IFI44L: variants seen among roughly 807,000 people sequenced by gnomAD.
IFI44L encodes the protein interferon induced protein 44 like, also known as interferon-induced protein 44-like.
In IFI44L, 40 loss-of-function variants were observed where a neutral mutation model predicts 39.3. That is an observed-to-expected ratio of 1.02 (90% CI 0.79 to 1.33). The LOEUF is 1.33. Among genes scored for constraint, IFI44L ranks in the 40% most tolerant of loss-of-function variants. The probability of loss-of-function intolerance (pLI) is 0.00; values close to 1 mark genes in which losing one functional copy is unlikely to be tolerated. For synonymous variants in IFI44L, 198 were observed against 182.3 expected (o/e 1.09, Z -0.69); for missense variants, 623 against 549.0 (o/e 1.13, Z -1.35).
chr1:78,637,779 A>G (rs544331168), intron 6 of IFI44L, among the ~76,000 whole-genome samples: 1 of 152,204 alleles, frequency 6.6e-6, no homozygotes, highest in Admixed American at 6.6e-5. Flanking sequence ...TCCATCCAAG[A>G]TGTATGTATG....
At chr1:78,630,313 C>A in intron 4 of IFI44L, 1 of 158,324 alleles carries the variant, frequency 6.3e-6, no homozygotes, top group Non-Finnish European at 1.4e-5. Context: ...ATTACGAGAC[C>A]ATTCTCTAAG....
At position 78,628,949 on chromosome 1, in the gene IFI44L, A is replaced by G; in HGVS notation, c.479-2A>G. On this transcript the variant is annotated splice_acceptor_variant, in intron 2 of 8. Transcript: ENST00000370751. LOFTEE classifies it high-confidence loss of function. ...GTATTATGCTATGTTTATTTCCTAT[A>G]GGAATTAAGGATAACCTAGACGACA... The G allele has an allele frequency of 3.2e-6, 5 of 1,544,066 alleles. No homozygotes were observed. The highest frequency in any genetic ancestry group is 4.5e-6 in the Non-Finnish European group (5 of 1,119,364).
chr1:78,632,787 A>C (rs942514616), intron 4 of IFI44L, among the ~76,000 whole-genome samples: 4 of 152,206 alleles, frequency 2.6e-5, no homozygotes, highest in Non-Finnish European at 5.9e-5. Flanking sequence ...ATGAGATTAC[A>C]GTTATATTCT....
In IFI44L at chr1:78,635,456, C is replaced by T. The variant is rs1652911964; in HGVS notation, c.843C>T (p.His281=). The T allele has an allele frequency of 1.2e-6, 2 of 1,613,296 alleles. No individual in the cohort carries two copies. The highest frequency in any genetic ancestry group is 1.3e-5 in the African/African-American group (1 of 74,888). Residue 281 remains histidine, a synonymous_variant, in exon 5 of 9, where the codon CAC becomes CAT. Coordinates refer to ENST00000370751, the MANE Select transcript of IFI44L (RefSeq NM_006820.4). The part of the protein sequence containing the change: ...GAGLCMDDIP[H]ILKGCMPDRY... ...GACTGTGCATGGATGACATTCCCCA[C>T]ATCTTAAAAGGTTGTATGCCAGACA...
rs1388848371 is a variant in IFI44L at position 78,641,809 on chromosome 1, A to G, written c.1359A>G (p.Ter453TrpextTer5). 6.2e-7 allele frequency: 1 copy of G among 1,613,386 alleles called. No individual in the cohort carries two copies. The highest frequency in any genetic ancestry group is 1.3e-5 in the African/African-American group (1 of 74,846). ...AIERALQPCI[*>W] ...AGAGAGCGTTACAGCCCTGCATTTG[A>G]GATAAGTTGCCTTGATTCTGACATT... is the stretch of plus-strand genomic sequence containing the variant. Residue 453 changes from the stop codon to tryptophan, a stop_lost, in exon 9 of 9, where the codon TGA (stop) becomes TGG (tryptophan). Coordinates refer to ENST00000370751, the MANE Select transcript of IFI44L (RefSeq NM_006820.4).
At chr1:78,628,645 G>T (rs1239333749) in intron 2 of IFI44L, 4 of 514,928 alleles carry the variant, frequency 7.8e-6, no homozygotes, top group African/African-American at 5.8e-5. Context: ...AAGGAGATGG[G>T]GATGTGGAGA....
At chr1:78,633,564 A>G (rs1213851827) in intron 4 of IFI44L, among the ~76,000 whole-genome samples, 1 of 152,178 alleles carries the variant, frequency 6.6e-6, no homozygotes, top group Non-Finnish European at 1.5e-5. Flanking sequence ...GAATTTTTGG[A>G]TAGGCTGATT....
chr1:78,636,172 T>A (rs554587989), intron 5 of IFI44L, among the ~76,000 whole-genome samples: 2 of 152,240 alleles, frequency 1.3e-5, no homozygotes. Context: ...ATTGGAAACC[T>A]TACCTATGTA....
chr1:78,634,037 A>G (rs1652850214), intron 4 of IFI44L, among the ~76,000 whole-genome samples: 1 of 152,138 alleles, frequency 6.6e-6, no homozygotes, highest in Non-Finnish European at 1.5e-5. Flanking sequence ...GAATAAAAAA[A>G]CAGAATGAAG....
chr1:78,630,079 A>G, intron 4 of IFI44L, 164 bp downstream of exon 4: 1 of 646,064 alleles, frequency 1.5e-6, no homozygotes, highest in Non-Finnish European at 2.7e-6. Flanking sequence ...GTGCTATATT[A>G]TACAGAGAAG....
At chr1:78,633,684 G>A (rs1431801456) in intron 4 of IFI44L, among the ~76,000 whole-genome samples, 1 of 152,120 alleles carries the variant, frequency 6.6e-6, no homozygotes, top group African/African-American at 2.4e-5. Context: ...AGCAATCAGG[G>A]TAACATGACG....
At position 78,636,906 on chromosome 1, in the gene IFI44L, G is replaced by A. The variant is rs925639213; in HGVS notation, c.877-126G>A. 4.9e-5 allele frequency: 33 copies of A among 667,676 alleles called. No individual in the cohort carries two copies. The African/African-American group carries it at 5.7e-4, about 11-fold the overall frequency. 41.4% of individuals were successfully genotyped at this position (667,676 alleles called of 1,614,324 possible). ...AAGTAAAGAGGAGGTGCTACTGTTTGGGGAAAGAGTAGCTGAGGAGAAAGA... is the reference window on the plus strand; with the variant it reads ...AAGTAAAGAGGAGGTGCTACTGTTTAGGGAAAGAGTAGCTGAGGAGAAAGA... On this transcript the variant is annotated intron_variant, in intron 5 of 8. Coordinates refer to ENST00000370751, the MANE Select transcript of IFI44L (RefSeq NM_006820.4).
chr1:78,643,274 G>A lies in IFI44L; in HGVS notation c.*1465G>A, dbSNP rs554589548. 1 of 152,120 alleles carries A rather than the reference G, an allele frequency of 6.6e-6. No homozygotes were observed. The highest frequency in any genetic ancestry group is 2.4e-5 in the African/African-American group (1 of 41,534). 9.4% of individuals were successfully genotyped at this position (152,120 alleles called of 1,614,324 possible). ...AATTAAGTCTTTAAAAAAGACCTAG[G>A]AATAGGAGAACCATGGAAATTGAGG... On this transcript the variant is annotated 3_prime_UTR_variant, in exon 9 of 9. Coordinates refer to ENST00000370751, the MANE Select transcript of IFI44L (RefSeq NM_006820.4).
rs1652904753 is a variant in IFI44L, at chr1:78,635,331, T to C, written c.724-6T>C. 3 of 1,574,988 alleles carry C rather than the reference T, an allele frequency of 1.9e-6. No homozygotes were observed. The highest frequency in any genetic ancestry group is 2.6e-6 in the Non-Finnish European group (3 of 1,148,780). ...AACCTTTACACTTAATGTATTTTTT[T>C]AACAGTATAGGATATATTCTGTTAA... On this transcript the variant is annotated splice_polypyrimidine_tract_variant and splice_region_variant and intron_variant, in intron 4 of 8. Coordinates refer to ENST00000370751, the MANE Select transcript of IFI44L (RefSeq NM_006820.4).
Position 78,641,902 on chromosome 1 carries a change from C to G in IFI44L, c.*93C>G. ...TATTGACAGCCTGCTTCAGATTTTG[C>G]TTTTGTTCGTTTTGCCTTCTGTCCT... On this transcript the variant is annotated 3_prime_UTR_variant, in exon 9 of 9. Coordinates refer to ENST00000370751, the MANE Select transcript of IFI44L (RefSeq NM_006820.4). The G allele has an allele frequency of 7.0e-7, 1 of 1,435,296 alleles. No individual in the cohort carries two copies. Among genetic ancestry groups the G allele is most frequent in the South Asian group, 1.1e-5 (1 of 87,404 alleles). 88.9% of individuals were successfully genotyped at this position (1,435,296 alleles called of 1,614,324 possible).
intron 3 of IFI44L, 144 bp from the exon 4 acceptor site, chr1:78,629,576 G>A (rs2100486609): frequency 3.9e-6 from 2 of 515,056 alleles, no homozygotes; most frequent in African/African-American, 1.9e-5. Flanking sequence ...TATTATAGAA[G>A]ATCTCATTAT....
At chr1:78,629,547 C>T (rs1232864536) in intron 3 of IFI44L, 173 bp from the exon 4 acceptor site, 3 of 477,650 alleles carry the variant, frequency 6.3e-6, no homozygotes, top group Non-Finnish European at 1.1e-5. Flanking sequence ...AAATGTATAA[C>T]TTTAGATATT....
In IFI44L at chr1:78,641,081, A is replaced by G. The variant is rs768578544; in HGVS notation, c.1109A>G (p.Asn370Ser). The G allele has an allele frequency of 1.9e-6, 3 of 1,612,990 alleles. No individual in the cohort carries two copies. The highest frequency in any genetic ancestry group is 8.5e-7 in the Non-Finnish European group (1 of 1,179,214). ...GATTGCAGTGAGGTTCTTCAAGACA[A>G]CTTTTTAAACATGAGTAGATCTATG... ...VDDCSEVLQD[N>S]FLNMSRSMTS... The change falls in exon 7 of 9, where the codon AAC (asparagine) becomes AGC (serine). Residue 370 changes from asparagine (N) to serine (S), a missense_variant. Transcript: ENST00000370751.
intron 1 of IFI44L, among the ~76,000 whole-genome samples, chr1:78,624,542 T>C (rs1652412295): frequency 6.6e-6 from 1 of 152,162 alleles, no homozygotes; most frequent in Non-Finnish European, 1.5e-5. Flanking sequence ...GAGAAGAATG[T>C]GTATTTTGTT....
Sources: allele counts gnomAD v4.1 joint callset (sites outside exome capture counted in the v4.1 genomes callset), GRCh38; gene constraint gnomAD v4.1.1; transcripts MANE v1.5; gene names NCBI Gene and HGNC (gene_info 2026-07-23, HGNC 2026-07-21).